The following PSMD1 variants were observed in gnomAD, a reference collection of about 807,000 sequenced individuals.
The protein encoded by PSMD1 is proteasome 26S subunit, non-ATPase 1, also known as 26S proteasome non-ATPase regulatory subunit 1.
Under a neutral mutation model 119.0 loss-of-function variants are expected in PSMD1, and 18 were observed. The ratio of observed to expected loss-of-function variants is 0.15; its 90% CI spans 0.10 to 0.22. The LOEUF (loss-of-function observed/expected upper bound fraction) is 0.22. PSMD1 is among the 10% of genes least tolerant of loss of function. The pLI is 1.00. For missense variants in PSMD1, 702 were observed against 1,158.5 expected, an observed-to-expected ratio of 0.61 and a Z score of 5.72; for synonymous variants, 374 against 396.6, an observed-to-expected ratio of 0.94 and a Z score of 0.68.
chr2:231,105,425 T>C (rs1366975187), intron 16 of PSMD1, among the ~76,000 whole-genome samples: 3 of 152,150 alleles, frequency 2.0e-5, no homozygotes, highest in Non-Finnish European at 4.4e-5. Flanking sequence ...TGGAAGTGAG[T>C]AGAATCTGAA....
intron 19 of PSMD1, among the ~76,000 whole-genome samples, chr2:231,157,515 GCTT>G (rs1696538079): frequency 6.7e-6 from 1 of 148,286 alleles, no homozygotes; most frequent in Admixed American, 6.7e-5. Context: ...AAGTTTTGGT[GCTT>G]CTTTCTGTTT....
chr2:231,062,470 G>A, intron 3 of PSMD1, 36 bp from the exon 4 acceptor site: 3 of 1,569,206 alleles, frequency 1.9e-6, no homozygotes, highest in Non-Finnish European at 2.6e-6. Flanking sequence ...GAAAACCACA[G>A]TTTGAACTAG....
chr2:231,119,177 T>C (rs1695446103), intron 16 of PSMD1, among the ~76,000 whole-genome samples: 1 of 152,222 alleles, frequency 6.6e-6, no homozygotes, highest in African/African-American at 2.4e-5. Context: ...AAGAAGTGCC[T>C]TTAATTCATT....
At chr2:231,074,293 A>G (rs1559219961) in intron 7 of PSMD1, among the ~76,000 whole-genome samples, 1 of 152,002 alleles carries the variant, frequency 6.6e-6, no homozygotes, top group Non-Finnish European at 1.5e-5. Flanking sequence ...GTTAGTAGAG[A>G]CGGAGTTTCA....
chr2:231,165,181 A>G lies in PSMD1; in HGVS notation c.2482-19A>G. 1.3e-6 allele frequency: 2 copies of G among 1,590,858 alleles called. No individual in the cohort carries two copies. Among genetic ancestry groups the G allele is most frequent in the Non-Finnish European group, 1.7e-6 (2 of 1,166,142 alleles). On this transcript the variant is annotated intron_variant, in intron 21 of 24. Transcript: ENST00000308696. ...TGTCAGTAAGGGATTACAACAGTTTACCCTGCTCATTTCCCCAGGTTTCTA... is the reference window on the plus strand; with the variant it reads ...TGTCAGTAAGGGATTACAACAGTTTGCCCTGCTCATTTCCCCAGGTTTCTA...
At chr2:231,156,976 A>G (rs946642979) in intron 19 of PSMD1, among the ~76,000 whole-genome samples, 2 of 152,190 alleles carry the variant, frequency 1.3e-5, no homozygotes, top group Admixed American at 1.3e-4. Context: ...CCAGATTTTC[A>G]TATAGTTTGA....
At chr2:231,123,635 T>C in intron 16 of PSMD1, 1 of 1,614,142 alleles carries the variant, frequency 6.2e-7, no homozygotes, top group African/African-American at 1.3e-5. Context: ...ACAATCTGTT[T>C]CATTTCCTCT....
intron 17 of PSMD1, among the ~76,000 whole-genome samples, chr2:231,142,901 T>G (rs1696159445): frequency 2.0e-5 from 3 of 152,216 alleles, no homozygotes; most frequent in Admixed American, 1.3e-4. Context: ...TAGCTCTAAT[T>G]TTAATATATA....
Position 231,163,266 on chromosome 2 carries a change from G to C in PSMD1, c.2389-369G>C, listed in dbSNP as rs939935558. 3 of 172,150 alleles carry C rather than the reference G, an allele frequency of 1.7e-5. No homozygotes were observed. In the Admixed American group the frequency reaches 1.8e-4, roughly 10 times the overall value. The allele number at this position is 172,150 out of a possible 1,614,324, so 10.7% of individuals were successfully genotyped here. On this transcript the variant is annotated intron_variant, in intron 20 of 24. Transcript: ENST00000308696. ...TCAGGCTAGTGTAAGTTACTAGTCT[G>C]GTACAAAGAAGGGAAATGGCAGTTT...
At chr2:231,085,161 G>A in intron 15 of PSMD1, 47 bp downstream of exon 15, 3 of 1,486,620 alleles carry the variant, frequency 2.0e-6, no homozygotes, top group South Asian at 1.1e-5. Flanking sequence ...GGAAAAGCTT[G>A]CAGATGGACA....
chr2:231,109,975 G>T (rs965862258), intron 16 of PSMD1, among the ~76,000 whole-genome samples: 2 of 152,166 alleles, frequency 1.3e-5, no homozygotes, highest in African/African-American at 2.4e-5. Context: ...TAAAATTTGA[G>T]TGTGTGTGAA....
At chr2:231,113,503 GTTCT>G (rs1430467343) in intron 16 of PSMD1, among the ~76,000 whole-genome samples, 2 of 152,172 alleles carry the variant, frequency 1.3e-5, no homozygotes, top group Admixed American at 1.3e-4. Context: ...TGTGCAGATG[GTTCT>G]TTCTGAGGAC....
At chr2:231,118,488 C>A (rs563224996) in intron 16 of PSMD1, among the ~76,000 whole-genome samples, 33 of 152,280 alleles carry the variant, frequency 2.2e-4, no homozygotes, top group Admixed American at 1.2e-3. Flanking sequence ...ATGTTTTTTA[C>A]TAACGTTGAA....
intron 4 of PSMD1, among the ~76,000 whole-genome samples, chr2:231,066,668 C>G (rs536766471): frequency 6.6e-6 from 1 of 152,164 alleles, no homozygotes; most frequent in Non-Finnish European, 1.5e-5. Context: ...TGAGCACTAC[C>G]ACACCTGGCA....
chr2:231,096,319 A>AT (rs372634778), intron 16 of PSMD1, among the ~76,000 whole-genome samples: 27 of 151,832 alleles, frequency 1.8e-4, no homozygotes, highest in African/African-American at 6.3e-4. Context: ...CCTTTTTGTT[A>AT]TTTTTTTCTG....
At chr2:231,081,574 C>T (rs149680528) in intron 12 of PSMD1, among the ~76,000 whole-genome samples, 75 of 152,282 alleles carry the variant, frequency 4.9e-4, no homozygotes, top group African/African-American at 1.8e-3. Flanking sequence ...ATGAAAATCG[C>T]AAAGAAGGAG....
chr2:231,169,159 TTG>T (rs1553570722), intron 23 of PSMD1, among the ~76,000 whole-genome samples: 1 of 152,124 alleles, frequency 6.6e-6, no homozygotes, highest in Non-Finnish European at 1.5e-5. Flanking sequence ...GGATTTTTTT[TTG>T]TGTGTGTGTT....
At chr2:231,073,498 T>G (rs986015630) in intron 7 of PSMD1, among the ~76,000 whole-genome samples, 46 of 152,204 alleles carry the variant, frequency 3.0e-4, no homozygotes, top group African/African-American at 1.0e-3. Context: ...TTTTCAAGAT[T>G]CTTTGGGCTA....
At chr2:231,165,044 A>ATATATT (rs1696738591) in intron 21 of PSMD1, 156 bp from the exon 22 acceptor site, 1 of 13,722 alleles carries the variant, frequency 7.3e-5, no homozygotes, top group East Asian at 2.9e-3. Context: ...TTATATATAT[A>ATATATT]TATATATATA....
Sources: gnomAD v4.1 joint callset for allele counts (sites outside exome capture counted in the v4.1 genomes callset) on GRCh38, gnomAD v4.1.1 for gene constraint, MANE v1.5 for transcripts, NCBI Gene and HGNC (gene_info 2026-07-23, HGNC 2026-07-21) for gene names.